Variants in OSBPL10 observed in about 807,000 individuals in gnomAD.
OSBPL10 encodes the protein oxysterol-binding protein-related protein 10.
In OSBPL10, 49 loss-of-function variants were observed where a neutral mutation model predicts 81.7. The observed-to-expected ratio is 0.60, with a 90% CI of 0.48 to 0.76. OSBPL10 has a LOEUF of 0.76. Ranked by LOEUF, OSBPL10 falls within the 30% of genes least tolerant of loss-of-function variation. The pLI is 0.00. For missense variants in OSBPL10, 923 were observed against 987.8 expected, an observed-to-expected ratio of 0.93 and a Z score of 0.88; for synonymous variants, 419 against 383.6, an observed-to-expected ratio of 1.09 and a Z score of -1.08.
chr3:32,037,137 A>G (rs986366781), intron 2 of OSBPL10, among the ~76,000 whole-genome samples: 1 of 152,208 alleles, frequency 6.6e-6, no homozygotes, highest in African/African-American at 2.4e-5. Flanking sequence ...AGAACAGTAC[A>G]TGCTGGAAGA....
At chr3:31,686,536 G>A (rs1175873415) in intron 7 of OSBPL10, among the ~76,000 whole-genome samples, 8 of 152,120 alleles carry the variant, frequency 5.3e-5, no homozygotes, top group African/African-American at 9.7e-5. Context: ...ATATCTGTCC[G>A]GGTGACAGAA....
chr3:31,866,512 G>A (rs922349244), intron 3 of OSBPL10, among the ~76,000 whole-genome samples: 2 of 152,334 alleles, frequency 1.3e-5, no homozygotes, highest in South Asian at 2.1e-4. Flanking sequence ...CAGCCAGGGT[G>A]CCAAGCCAGC....
At chr3:31,794,598 G>A (rs898319274) in intron 4 of OSBPL10, 19 of 355,918 alleles carry the variant, frequency 5.3e-5, no homozygotes, top group African/African-American at 3.3e-4. Context: ...ACTGTGACGT[G>A]ATGCTGAAGA....
At chr3:31,980,840 C>A in intron 1 of OSBPL10, 59 bp downstream of exon 1, 8 of 1,413,654 alleles carry the variant, frequency 5.7e-6, no homozygotes, top group Non-Finnish European at 7.4e-6. Flanking sequence ...CACACACGCA[C>A]GCACACACAC....
chr3:31,996,363 G>A (rs539514222), intron 2 of OSBPL10, among the ~76,000 whole-genome samples: 4 of 152,182 alleles, frequency 2.6e-5, no homozygotes, highest in Admixed American at 6.5e-5. Flanking sequence ...TCTCCCCCCC[G>A]TGCAAGGGAA....
chr3:32,043,545 G>A (rs1490232417), intron 2 of OSBPL10, among the ~76,000 whole-genome samples: 1 of 152,158 alleles, frequency 6.6e-6, no homozygotes, highest in African/African-American at 2.4e-5. Context: ...TATTATTTGG[G>A]AACTGGTAAA....
chr3:32,073,923 T>C (rs1699853541), intron 1 of OSBPL10, among the ~76,000 whole-genome samples: 1 of 152,164 alleles, frequency 6.6e-6, no homozygotes, highest in African/African-American at 2.4e-5. Context: ...TATCCTTTAC[T>C]TTTATACTCA....
chr3:31,706,515 C>G (rs1425527315), intron 6 of OSBPL10, among the ~76,000 whole-genome samples: 3 of 150,804 alleles, frequency 2.0e-5, no homozygotes, highest in Non-Finnish European at 2.9e-5. Flanking sequence ...GTGACTCTGC[C>G]CTTAACCATG....
At chr3:31,746,902 C>T (rs189522968) in intron 5 of OSBPL10, among the ~76,000 whole-genome samples, 3 of 151,796 alleles carry the variant, frequency 2.0e-5, no homozygotes, top group Non-Finnish European at 4.4e-5. Flanking sequence ...TGCAGCACAC[C>T]AACATGGCAC....
rs1020135312 is a variant in OSBPL10, at chr3:31,753,551, C to T, written c.730-5431G>A. Among the ~76,000 whole-genome samples the T allele has an allele frequency of 2.6e-5, 4 of 152,148 alleles. No homozygotes were observed. In the East Asian group the frequency reaches 7.7e-4, roughly 29 times the overall value. On this transcript the variant is annotated intron_variant, in intron 4 of 11. Coordinates refer to ENST00000396556, the MANE Select transcript of OSBPL10 (RefSeq NM_017784.5). ...CAGCTTACTGTCTGCCTTAACATGG[C>T]TGCTTTATTATCCTATTCCACTACT...
intron 1 of OSBPL10, among the ~76,000 whole-genome samples, chr3:32,057,833 C>T (rs187618988): frequency 1.3e-5 from 2 of 152,192 alleles, no homozygotes; most frequent in African/African-American, 2.4e-5. Context: ...ACATAGAGGC[C>T]CTCAGGTGGG....
intron 1 of OSBPL10, among the ~76,000 whole-genome samples, chr3:32,071,154 C>G (rs921622092): frequency 6.6e-6 from 1 of 152,208 alleles, no homozygotes; most frequent in African/African-American, 2.4e-5. Flanking sequence ...GCTCAAATTT[C>G]TTCTCTGTTA....
chr3:31,683,426 G>T (rs1186528558), intron 8 of OSBPL10, among the ~76,000 whole-genome samples: 1 of 152,220 alleles, frequency 6.6e-6, no homozygotes, highest in East Asian at 1.9e-4. Context: ...CTGTCAGGCA[G>T]ATAGTCCGTT....
chr3:31,988,775 T>A, intron 2 of OSBPL10: 1 of 411,322 alleles, frequency 2.4e-6, no homozygotes, highest in East Asian at 4.5e-5. Flanking sequence ...ATAAGCAGAT[T>A]TTCTGAGACC....
intron 7 of OSBPL10, among the ~76,000 whole-genome samples, chr3:31,697,260 A>G (rs1197258372): frequency 6.6e-6 from 1 of 152,162 alleles, no homozygotes; most frequent in Non-Finnish European, 1.5e-5. Flanking sequence ...AAAGGTCCTA[A>G]GACTTCATGA....
chr3:31,827,718 A>G (rs890419383), intron 4 of OSBPL10, among the ~76,000 whole-genome samples: 4 of 152,200 alleles, frequency 2.6e-5, no homozygotes, highest in African/African-American at 9.7e-5. Flanking sequence ...AAAAAACCCA[A>G]AAGCAAATTC....
Position 32,031,364 on chromosome 3 carries a change from A to AT in OSBPL10, n.298+15126dup, listed in dbSNP as rs147825524. On this transcript the variant is annotated intron_variant and non_coding_transcript_variant, in intron 2 of 3. Coordinates refer to the OSBPL10 transcript ENST00000479173. ...AAACTTTTTTATTTTCATATGTTGGATTTTTTTTTAAAGATGTGATTTGAA... is the reference window on the plus strand; with the variant it reads ...AAACTTTTTTATTTTCATATGTTGGATTTTTTTTTTAAAGATGTGATTTGAA... Among the ~76,000 whole-genome samples, 830 of 151,586 alleles carry AT rather than the reference A, an allele frequency of 5.5e-3. 20 individuals carry two copies. The East Asian group carries it at 0.089, about 16-fold the overall frequency.
chr3:31,769,463 AAAAAAAC>A (rs1698304653), intron 4 of OSBPL10, among the ~76,000 whole-genome samples: 1 of 100,254 alleles, frequency 1.0e-5, no homozygotes, highest in African/African-American at 3.5e-5. Context: ...AAAAAACAAA[AAAAAAAC>A]AAAAAAAAAC....
At chr3:31,702,291 G>C (rs1357898396) in intron 7 of OSBPL10, 68 bp downstream of exon 7, 8 of 1,547,598 alleles carry the variant, frequency 5.2e-6, no homozygotes, top group East Asian at 4.5e-5. Flanking sequence ...AATGTGCATA[G>C]AGAAGGCTTG....
Sources: gnomAD v4.1 joint callset for allele counts (sites outside exome capture counted in the v4.1 genomes callset) on GRCh38, gnomAD v4.1.1 for gene constraint, MANE v1.5 for transcripts, NCBI Gene and HGNC (gene_info 2026-07-23, HGNC 2026-07-21) for gene names.